CDH4: variants seen among roughly 807,000 people sequenced by gnomAD.
CDH4 encodes cadherin 4.
Under a neutral mutation model 86.0 loss-of-function variants are expected in CDH4, and 33 were observed. The ratio of observed to expected loss-of-function variants is 0.38; its 90% CI spans 0.29 to 0.51. The LOEUF (loss-of-function observed/expected upper bound fraction) is 0.51. CDH4 is among the 20% of genes least tolerant of loss of function. The probability of loss-of-function intolerance (pLI) is 0.86; values close to 1 mark genes in which losing one functional copy is unlikely to be tolerated. For missense variants in CDH4, 1,114 were observed against 1,307.4 expected (o/e 0.85, Z 2.28); for synonymous variants, 555 against 549.4 (o/e 1.01, Z -0.14).
chr20:61,814,119 C>A (rs989778806), intron 4 of CDH4, among the ~76,000 whole-genome samples: 1 of 152,194 alleles, frequency 6.6e-6, no homozygotes, highest in African/African-American at 2.4e-5. Context: ...GGGAGCAGGT[C>A]CCCACCTTCC....
intron 2 of CDH4, among the ~76,000 whole-genome samples, chr20:61,622,469 G>T (rs2086786528): frequency 6.6e-6 from 1 of 152,220 alleles, no homozygotes; most frequent in Non-Finnish European, 1.5e-5. Flanking sequence ...GGACATGATG[G>T]AGCTTGGCTG....
chr20:61,810,228 C>T lies in CDH4; in HGVS notation c.577-34440C>T, dbSNP rs1006904049. Among the ~76,000 whole-genome samples the T allele has an allele frequency of 6.6e-5, 10 of 152,168 alleles. No homozygotes were observed. The highest frequency in any genetic ancestry group is 1.9e-4 in the East Asian group (1 of 5,192). ...ACACTAACATCCCACTGGCAGACCC[C>T]GGGAAAGGCCATGGCCACCCACATG... On this transcript the variant is annotated intron_variant, in intron 4 of 15. Transcript: ENST00000614565. This position sits in a 1 kb window ranked among gnomAD's most constrained non-coding sequence, Gnocchi z 4.3.
chr20:61,797,378 T>A (rs1010567805), intron 4 of CDH4, among the ~76,000 whole-genome samples: 12 of 151,848 alleles, frequency 7.9e-5, no homozygotes, highest in Non-Finnish European at 1.5e-4. Flanking sequence ...AGCGGGGAGG[T>A]AAGCGTTGGA....
At chr20:61,696,327 T>C (rs2087714501) in intron 2 of CDH4, among the ~76,000 whole-genome samples, 1 of 152,212 alleles carries the variant, frequency 6.6e-6, no homozygotes, top group African/African-American at 2.4e-5. Context: ...AGATGTCCAG[T>C]ACCTCAGGGA....
At chr20:61,560,929 G>A (rs375774121) in intron 2 of CDH4, among the ~76,000 whole-genome samples, 1 of 152,222 alleles carries the variant, frequency 6.6e-6, no homozygotes, top group East Asian at 1.9e-4. Context: ...GACGGGCCGG[G>A]GTCACCGCTG....
intron 3 of CDH4, among the ~76,000 whole-genome samples, chr20:61,750,527 G>C (rs2088479635): frequency 6.6e-6 from 1 of 152,168 alleles, no homozygotes; most frequent in Non-Finnish European, 1.5e-5. Context: ...TACCCAAGCT[G>C]TCAGGAAAAA....
chr20:61,479,506 T>C (rs2085557716), intron 2 of CDH4, among the ~76,000 whole-genome samples: 1 of 152,300 alleles, frequency 6.6e-6, no homozygotes. Context: ...TGCACACGTA[T>C]GTTTATTGTG....
intron 2 of CDH4, among the ~76,000 whole-genome samples, chr20:61,447,323 A>ATTTTTT (rs71331923): frequency 1.2e-4 from 13 of 110,852 alleles, no homozygotes; most frequent in Non-Finnish European, 1.8e-4. Flanking sequence ...CGCCCAGCTG[A>ATTTTTT]TTTTTTTTTT....
chr20:61,420,339 AG>A (rs1451470287), intron 2 of CDH4, among the ~76,000 whole-genome samples: 2 of 152,366 alleles, frequency 1.3e-5, no homozygotes, highest in East Asian at 3.9e-4. Context: ...TTGCTCTGGA[AG>A]GCATTGATCT....
chr20:61,779,144 T>G (rs551830064), intron 4 of CDH4, among the ~76,000 whole-genome samples: 1 of 152,200 alleles, frequency 6.6e-6, no homozygotes, highest in Non-Finnish European at 1.5e-5. Context: ...ATGAAACTTT[T>G]AAGAAGAGCA....
At chr20:61,920,657 TCAC>T (rs1221307908) in intron 9 of CDH4, among the ~76,000 whole-genome samples, 1 of 150,620 alleles carries the variant, frequency 6.6e-6, no homozygotes, top group South Asian at 2.1e-4. Flanking sequence ...AAGCGTGGTG[TCAC>T]AGTGACTGCA....
At chr20:61,660,598 G>T (rs912470195) in intron 2 of CDH4, among the ~76,000 whole-genome samples, 7 of 152,122 alleles carry the variant, frequency 4.6e-5, no homozygotes, top group African/African-American at 1.4e-4. Flanking sequence ...GAGGCAGAGG[G>T]GTGGACGGGG....
At chr20:61,781,883 C>CG (rs1266096302) in intron 4 of CDH4, among the ~76,000 whole-genome samples, 1 of 152,152 alleles carries the variant, frequency 6.6e-6, no homozygotes, top group African/African-American at 2.4e-5. Flanking sequence ...GCAATATGTC[C>CG]GGGGCAGCAG....
chr20:61,931,006 G>T lies in CDH4; in HGVS notation c.2239+1164G>T, dbSNP rs2055102022. Among the ~76,000 whole-genome samples the T allele has an allele frequency of 1.3e-5, 2 of 152,358 alleles. 1 individual carries two copies. The highest frequency in any genetic ancestry group is 4.1e-4 in the South Asian group (2 of 4,828). ...CCGCAGTGGAGGGCATCCGCAGTGG[G>T]GCCGGGGCCACGGTCAACAGCAGAT... On this transcript the variant is annotated intron_variant, in intron 13 of 15. Transcript: ENST00000614565.
chr20:61,814,707 C>T (rs190773915), intron 4 of CDH4, among the ~76,000 whole-genome samples: 1 of 152,342 alleles, frequency 6.6e-6, no homozygotes, highest in Non-Finnish European at 1.5e-5. Context: ...CATGCTTCTC[C>T]ACAGGGGCGA....
intron 2 of CDH4, among the ~76,000 whole-genome samples, chr20:61,463,745 C>T (rs575734459): frequency 6.6e-6 from 1 of 152,290 alleles, no homozygotes; most frequent in Non-Finnish European, 1.5e-5. Context: ...ACTCTTGCAA[C>T]AGGGGAGAGA....
chr20:61,839,228 A>G (rs1982023906), intron 4 of CDH4, among the ~76,000 whole-genome samples: 1 of 152,218 alleles, frequency 6.6e-6, no homozygotes, highest in Admixed American at 6.5e-5. Context: ...GGCAAGGCCC[A>G]TGAATGCAGA....
intron 2 of CDH4, among the ~76,000 whole-genome samples, chr20:61,424,462 T>A (rs528633332): frequency 1.3e-5 from 2 of 151,980 alleles, no homozygotes; most frequent in South Asian, 4.2e-4. Context: ...AGCACACATG[T>A]ATATATGCAT....
chr20:61,897,561 C>T (rs1260632016), intron 8 of CDH4, among the ~76,000 whole-genome samples: 1 of 152,214 alleles, frequency 6.6e-6, no homozygotes, highest in African/African-American at 2.4e-5. Context: ...TGACCAGCCA[C>T]CCCCACTGAC....
Sources: gnomAD v4.1 joint callset for allele counts (sites outside exome capture counted in the v4.1 genomes callset) on GRCh38, gnomAD v4.1.1 for gene constraint, Gnocchi (gnomAD v3.1) non-coding constraint, MANE v1.5 for transcripts, NCBI Gene and HGNC (gene_info 2026-07-23, HGNC 2026-07-21) for gene names.